Variants in COLEC12 observed in about 807,000 individuals in gnomAD.
COLEC12 encodes the protein collectin subfamily member 12.
Under a neutral mutation model 71.1 loss-of-function variants are expected in COLEC12, and 33 were observed. That is an observed-to-expected ratio of 0.46 (90% CI 0.35 to 0.62). COLEC12 has a LOEUF of 0.62. COLEC12 is among the 20% of genes least tolerant of loss of function. The pLI is 0.00. For synonymous variants in COLEC12, 350 were observed against 353.0 expected (o/e 0.99, Z 0.10); for missense variants, 765 against 916.1 (o/e 0.84, Z 2.13).
At chr18:499,396 G>T (rs1435493056) in intron 1 of COLEC12, among the ~76,000 whole-genome samples, 1 of 152,288 alleles carries the variant, frequency 6.6e-6, no homozygotes, top group Non-Finnish European at 1.5e-5. Flanking sequence ...TTAGTTCCGC[G>T]GGAGCTGCCC....
At chr18:494,321 T>C (rs1476111123) in intron 1 of COLEC12, among the ~76,000 whole-genome samples, 1 of 152,262 alleles carries the variant, frequency 6.6e-6, no homozygotes, top group South Asian at 2.1e-4. Context: ...AGATGGCTCA[T>C]AATTGGCAAT....
intron 3 of COLEC12, among the ~76,000 whole-genome samples, chr18:356,532 T>G (rs957964604): frequency 6.6e-6 from 1 of 152,130 alleles, no homozygotes; most frequent in Non-Finnish European, 1.5e-5. Flanking sequence ...GGAATTCACT[T>G]GGAGTCTTTC....
At chr18:363,819 T>C (rs55965768) in intron 2 of COLEC12, among the ~76,000 whole-genome samples, 2 of 152,080 alleles carry the variant, frequency 1.3e-5, no homozygotes, top group South Asian at 4.1e-4. Flanking sequence ...GTAAAAAAAA[T>C]TTTTTTTATT....
At chr18:333,894 G>GC (rs1400848149) in intron 6 of COLEC12, 5 of 152,246 alleles carry the variant, frequency 3.3e-5, no homozygotes, top group African/African-American at 1.2e-4. Flanking sequence ...ATAAACAAGT[G>GC]CAAGAGCCAG....
Position 347,086 on chromosome 18 carries a change from G to A in COLEC12, c.536C>T (p.Thr179Met), listed in dbSNP as rs199862137. ...KTLQAYNGYV[T>M]NLQQDTSVLQ... ...CACGCTGGTATCTTGCTGCAGATTC[G>A]TGACATAGCCATTATACGCCTGGAG... is the stretch of plus-strand genomic sequence containing the variant. The change falls in exon 5 of 10, where the codon ACG becomes ATG. Residue 179 changes from threonine (T) to methionine (M), a missense_variant. Coordinates refer to ENST00000400256, the MANE Select transcript of COLEC12 (RefSeq NM_130386.3). The A allele has an allele frequency of 2.2e-4, 356 of 1,614,148 alleles. 2 individuals carry two copies. In the South Asian group the frequency reaches 3.5e-3, roughly 16 times the overall value.
intron 1 of COLEC12, among the ~76,000 whole-genome samples, chr18:495,372 A>G (rs1274762258): frequency 1.3e-5 from 2 of 152,232 alleles, no homozygotes; most frequent in African/African-American, 4.8e-5. Flanking sequence ...CGGTGGTTAC[A>G]GTCTGTTCAT....
intron 2 of COLEC12, among the ~76,000 whole-genome samples, chr18:465,719 A>G (rs1917071819): frequency 6.6e-6 from 1 of 152,212 alleles, no homozygotes; most frequent in Non-Finnish European, 1.5e-5. Flanking sequence ...AATAAAATAA[A>G]TTCAAGCAAG....
chr18:378,751 T>C (rs1390273519), intron 2 of COLEC12, among the ~76,000 whole-genome samples: 1 of 152,232 alleles, frequency 6.6e-6, no homozygotes, highest in Non-Finnish European at 1.5e-5. Context: ...CCTTCTTCTC[T>C]ACATGGTGTA....
intron 5 of COLEC12, among the ~76,000 whole-genome samples, chr18:342,853 C>A (rs760499837): frequency 6.6e-6 from 1 of 152,170 alleles, no homozygotes; most frequent in South Asian, 2.1e-4. Context: ...CACCTTGGAG[C>A]CTGATTTCAG....
At chr18:468,462 T>C (rs997026172) in intron 2 of COLEC12, among the ~76,000 whole-genome samples, 3 of 152,142 alleles carry the variant, frequency 2.0e-5, no homozygotes, top group Non-Finnish European at 4.4e-5. Flanking sequence ...AGCTAGTTAA[T>C]GCATAGCAAA....
At chr18:442,416 C>T (rs1233199842) in intron 2 of COLEC12, among the ~76,000 whole-genome samples, 2 of 152,160 alleles carry the variant, frequency 1.3e-5, no homozygotes, top group African/African-American at 2.4e-5. Flanking sequence ...GTTGGGAGGC[C>T]CAAGGGAGAA....
At chr18:339,175 T>C (rs903030119) in intron 5 of COLEC12, among the ~76,000 whole-genome samples, 27 of 152,172 alleles carry the variant, frequency 1.8e-4, no homozygotes. Flanking sequence ...CACCTTCTTC[T>C]AGCTTGTGAC....
At chr18:460,057 G>GA (rs56855042) in intron 2 of COLEC12, among the ~76,000 whole-genome samples, 42,597 of 147,372 alleles carry the variant, frequency 0.29, 6,200 homozygotes, top group African/African-American at 0.37. Flanking sequence ...AAGGAAAAAA[G>GA]AAAAAAAAAA....
chr18:499,751 A>G (rs1917782900), intron 1 of COLEC12, among the ~76,000 whole-genome samples: 1 of 152,232 alleles, frequency 6.6e-6, no homozygotes, highest in Non-Finnish European at 1.5e-5. Flanking sequence ...GCTGCCCTGC[A>G]GTCCTTCTCG....
At chr18:373,855 T>C (rs1915055856) in intron 2 of COLEC12, among the ~76,000 whole-genome samples, 1 of 152,204 alleles carries the variant, frequency 6.6e-6, no homozygotes, top group East Asian at 1.9e-4. Context: ...CAATGGGACT[T>C]GAGGAACATG....
intron 2 of COLEC12, among the ~76,000 whole-genome samples, chr18:465,189 G>A (rs531039868): frequency 6.6e-6 from 1 of 152,148 alleles, no homozygotes; most frequent in Non-Finnish European, 1.5e-5. Context: ...TGCAACCTCT[G>A]CCTCCCAGGT....
chr18:351,293 C>T (rs1207006719), intron 3 of COLEC12, among the ~76,000 whole-genome samples: 1 of 151,792 alleles, frequency 6.6e-6, no homozygotes. Flanking sequence ...ATGTTCTTCC[C>T]TGTTTTTTTT....
chr18:443,103 T>C (rs1916577343), intron 2 of COLEC12, among the ~76,000 whole-genome samples: 1 of 152,260 alleles, frequency 6.6e-6, no homozygotes, highest in East Asian at 1.9e-4. Flanking sequence ...TAATTTTCTA[T>C]ACATATATTA....
Position 346,989 on chromosome 18 carries a change from C to T in COLEC12, c.633G>A (p.Leu211=), listed in dbSNP as rs371849057. Residue 211 remains leucine (L), a synonymous_variant, in exon 5 of 10, where the codon CTG becomes CTA. Transcript: ENST00000400256. This position sits in a 1 kb window ranked among gnomAD's most constrained non-coding sequence, Gnocchi z 4.0. ...TGAGGTTCCTCTGCTGCACCTGGGT[C>T]AGGTTCAGGTTGTTGAGGTTCATGA... ...VVIMNLNNLN[L]TQVQQRNLIT... The T allele has an allele frequency of 9.9e-6, 16 of 1,614,170 alleles. No homozygotes were observed. In the African/African-American group the frequency reaches 2.1e-4, roughly 22 times the overall value.
Sources: allele counts gnomAD v4.1 joint callset (sites outside exome capture counted in the v4.1 genomes callset), GRCh38; gene constraint gnomAD v4.1.1; non-coding constraint Gnocchi (gnomAD v3.1); transcripts MANE v1.5; gene names NCBI Gene and HGNC (gene_info 2026-07-23, HGNC 2026-07-21).